The following CSMD1 variants were observed in gnomAD, a reference collection of about 807,000 sequenced individuals.
CSMD1 encodes CUB and Sushi multiple domains 1.
CSMD1 carries 213 observed loss-of-function variants against 417.5 expected under a neutral mutation model. The observed-to-expected ratio is 0.51, with a 90% CI of 0.46 to 0.57. The LOEUF (loss-of-function observed/expected upper bound fraction) is 0.57, where lower values mean the gene tolerates loss of function less well. Ranked by LOEUF, CSMD1 falls within the 20% of genes least tolerant of loss-of-function variation. CSMD1 has a pLI of 0.00. For missense variants in CSMD1, 6,923 were observed against 4,529.7 expected, an observed-to-expected ratio of 1.53 and a Z score of -15.17; for synonymous variants, 2,862 against 1,736.8, an observed-to-expected ratio of 1.65 and a Z score of -16.11.
At chr8:4,620,232 A>G (rs1272581736) in intron 2 of CSMD1, among the ~76,000 whole-genome samples, 2 of 151,716 alleles carry the variant, frequency 1.3e-5, no homozygotes, top group East Asian at 3.9e-4. Flanking sequence ...GAAAAATCAA[A>G]TAGTAAATAA....
intron 3 of CSMD1, among the ~76,000 whole-genome samples, chr8:4,147,030 G>C (rs535067030): frequency 1.8e-3 from 275 of 151,980 alleles, no homozygotes; most frequent in African/African-American, 5.9e-3. Flanking sequence ...GTCAGAGATC[G>C]GGGGTTTTCT....
Position 3,049,375 on chromosome 8 carries a change from A to G in CSMD1, c.7660+3087T>C, listed in dbSNP as rs148642112. Among the ~76,000 whole-genome samples, 5 of 152,312 alleles carry G rather than the reference A, an allele frequency of 3.3e-5. No individual in the cohort carries two copies. In the East Asian group the frequency reaches 9.6e-4, roughly 29 times the overall value. The stretch of plus-strand genomic sequence containing the variant: ...AACGGGTAAATAAGCCATGGTCCAT[A>G]CAGACAATGGAATATTGTTCAGTAC... On this transcript the variant is annotated intron_variant, in intron 50 of 69. Coordinates refer to ENST00000635120, the MANE Select transcript of CSMD1 (RefSeq NM_033225.6).
chr8:3,913,831 C>G (rs2930370), intron 5 of CSMD1, among the ~76,000 whole-genome samples: 1 of 151,826 alleles, frequency 6.6e-6, no homozygotes, highest in Non-Finnish European at 1.5e-5. Context: ...CCAACTCAGA[C>G]GGTCTAATCA....
Position 3,027,681 on chromosome 8 carries a change from G to A in CSMD1, c.7855+1638C>T, listed in dbSNP as rs1250501438. Among the ~76,000 whole-genome samples the A allele has an allele frequency of 2.6e-5, 4 of 152,246 alleles. No individual in the cohort carries two copies. The South Asian group carries it at 8.3e-4, about 32-fold the overall frequency. ...ACAAATTTGTGGCCCGAGACACCTA[G>A]ACATGTGATGATAAATGATGTGTGG... On this transcript the variant is annotated intron_variant, in intron 51 of 69. Coordinates refer to ENST00000635120, the MANE Select transcript of CSMD1 (RefSeq NM_033225.6).
chr8:4,352,286 C>T (rs1458676646), intron 3 of CSMD1, among the ~76,000 whole-genome samples: 7 of 152,120 alleles, frequency 4.6e-5, no homozygotes, highest in African/African-American at 1.7e-4. Context: ...AGGGTTCTTC[C>T]AGGTGATTTA....
Position 4,884,478 on chromosome 8 carries a change from C to T in CSMD1, c.85+109854G>A, listed in dbSNP as rs75710719. Among the ~76,000 whole-genome samples, 1,199 of 151,876 alleles carry T rather than the reference C, an allele frequency of 7.9e-3. 33 individuals are homozygous for T. Among genetic ancestry groups the T allele is most frequent in the African/African-American group, 0.027 (1,121 of 41,414 alleles). On this transcript the variant is annotated intron_variant, in intron 1 of 69. Coordinates refer to ENST00000635120, the MANE Select transcript of CSMD1 (RefSeq NM_033225.6). Reference sequence around the variant, plus strand: ...TTCTACATGCCTGTAGAGATTCATGCCTGTGTTTTCTTTGTAAGGATTTTA... The same window carrying T: ...TTCTACATGCCTGTAGAGATTCATGTCTGTGTTTTCTTTGTAAGGATTTTA...
chr8:3,609,577 G>A (rs1039838287), intron 8 of CSMD1, among the ~76,000 whole-genome samples: 2 of 151,878 alleles, frequency 1.3e-5, no homozygotes, highest in Admixed American at 6.6e-5. Context: ...ACCAGATGAG[G>A]AATATTTTAC....
intron 1 of CSMD1, among the ~76,000 whole-genome samples, chr8:4,649,762 A>G (rs1304085822): frequency 6.6e-6 from 1 of 152,262 alleles, no homozygotes; most frequent in Non-Finnish European, 1.5e-5. Flanking sequence ...TTGTGTAGGC[A>G]TTTCAGAAAC....
intron 5 of CSMD1, among the ~76,000 whole-genome samples, chr8:3,950,732 G>C (rs1431104838): frequency 7.7e-6 from 1 of 130,550 alleles, no homozygotes; most frequent in African/African-American, 3.0e-5. Context: ...AATGTAATTG[G>C]GGTTTTCAAT....
rs1046455971 is a variant in CSMD1 at position 3,930,797 on chromosome 8, G to A, written c.818+67106C>T. Among the ~76,000 whole-genome samples the A allele has an allele frequency of 8.7e-5, 13 of 150,056 alleles. 1 individual carries two copies. Among genetic ancestry groups the A allele is most frequent in the Admixed American group, 8.6e-4 (13 of 15,070 alleles). On this transcript the variant is annotated intron_variant, in intron 5 of 69. Transcript: ENST00000635120. ...AACAAGCATTTCTAACATGTACAAG[G>A]GTCAAGATTTCTTATAAATTTGCAC...
At chr8:3,171,108 A>C (rs1352937841) in intron 37 of CSMD1, among the ~76,000 whole-genome samples, 1 of 152,220 alleles carries the variant, frequency 6.6e-6, no homozygotes, top group Non-Finnish European at 1.5e-5. Flanking sequence ...GAGAATGACA[A>C]GATTTGGGGA....
chr8:3,474,368 C>G (rs1288373644), intron 11 of CSMD1, among the ~76,000 whole-genome samples: 1 of 152,008 alleles, frequency 6.6e-6, no homozygotes, highest in East Asian at 1.9e-4. Context: ...TTTGACCTCT[C>G]TCGGGGGAAG....
At chr8:4,840,692 T>C (rs1800792415) in intron 1 of CSMD1, among the ~76,000 whole-genome samples, 1 of 152,236 alleles carries the variant, frequency 6.6e-6, no homozygotes, top group Admixed American at 6.5e-5. Context: ...ACTCAGTGCC[T>C]GCAAGAGACA....
chr8:4,003,951 A>G (rs1397782916), intron 4 of CSMD1, among the ~76,000 whole-genome samples: 2 of 151,920 alleles, frequency 1.3e-5, no homozygotes, highest in African/African-American at 4.8e-5. Flanking sequence ...AGAACAAAAC[A>G]AAAAAACCAT....
intron 3 of CSMD1, among the ~76,000 whole-genome samples, chr8:4,397,040 A>G (rs1030148083): frequency 2.0e-5 from 3 of 146,730 alleles, no homozygotes; most frequent in African/African-American, 4.9e-5. Flanking sequence ...TAAAAAAAAA[A>G]TAAAGAAAAA....
At chr8:4,460,188 T>A (rs969906250) in intron 2 of CSMD1, among the ~76,000 whole-genome samples, 1 of 152,114 alleles carries the variant, frequency 6.6e-6, no homozygotes, top group African/African-American at 2.4e-5. Flanking sequence ...GCAAGAAAAT[T>A]AGAATTTGAG....
chr8:2,983,669 C>G (rs1057399242), intron 54 of CSMD1, among the ~76,000 whole-genome samples: 6 of 152,012 alleles, frequency 3.9e-5, no homozygotes, highest in Non-Finnish European at 8.8e-5. Flanking sequence ...TAAAGCACTT[C>G]CCAGTCTTTG....
At chr8:4,684,349 T>A (rs190422426) in intron 1 of CSMD1, among the ~76,000 whole-genome samples, 11 of 152,238 alleles carry the variant, frequency 7.2e-5, no homozygotes, top group Admixed American at 7.2e-4. Flanking sequence ...ACCTACCTTC[T>A]TGATTCTCAA....
chr8:4,123,539 T>C (rs188549094), intron 3 of CSMD1, among the ~76,000 whole-genome samples: 437 of 152,354 alleles, frequency 2.9e-3, no homozygotes, highest in Admixed American at 6.1e-3. Flanking sequence ...ACATTGAAAA[T>C]GTGAACTTGT....
Sources: allele counts gnomAD v4.1 joint callset (sites outside exome capture counted in the v4.1 genomes callset), GRCh38; gene constraint gnomAD v4.1.1; transcripts MANE v1.5; gene names NCBI Gene and HGNC (gene_info 2026-07-23, HGNC 2026-07-21).